CCDC42: variants seen among roughly 807,000 people sequenced by gnomAD.
The protein encoded by CCDC42 is coiled-coil domain-containing protein 42.
Under a neutral mutation model 40.8 loss-of-function variants are expected in CCDC42, and 38 were observed. The observed-to-expected ratio is 0.93, with a 90% CI of 0.72 to 1.22. CCDC42 has a LOEUF of 1.22. CCDC42 is among the 50% of genes most tolerant of loss of function. The pLI is 0.00. For missense variants in CCDC42, 379 were observed against 416.5 expected, an observed-to-expected ratio of 0.91 and a Z score of 0.78; for synonymous variants, 135 against 157.5, an observed-to-expected ratio of 0.86 and a Z score of 1.07.
In CCDC42 at chr17:8,744,192, A is replaced by G; in HGVS notation, c.84-8T>C. The G allele has an allele frequency of 1.2e-6, 2 of 1,607,168 alleles. No homozygotes were observed. Among genetic ancestry groups the G allele is most frequent in the Non-Finnish European group, 1.7e-6 (2 of 1,174,398 alleles). On this transcript the variant is annotated splice_polypyrimidine_tract_variant and splice_region_variant and intron_variant, in intron 1 of 6. Coordinates refer to ENST00000293845, the MANE Select transcript of CCDC42 (RefSeq NM_144681.3). ...TCAACATTGGGGAGTTTCCTGTCCAAGATGTGAACGCGAGAGGGCTGTGTG... is the reference window on the plus strand; with the variant it reads ...TCAACATTGGGGAGTTTCCTGTCCAGGATGTGAACGCGAGAGGGCTGTGTG...
At chr17:8,732,416 G>A (rs2086587057) in intron 6 of CCDC42, among the ~76,000 whole-genome samples, 1 of 151,978 alleles carries the variant, frequency 6.6e-6, no homozygotes, top group Admixed American at 6.6e-5. Flanking sequence ...TCTGGAGATG[G>A]AACTACACAG....
At position 8,735,804 on chromosome 17, in the gene CCDC42, C is replaced by T. The variant is rs1228297622; in HGVS notation, c.493-193G>A. ...CCTGCTTCTCCTGGGTTTGTACGGG[C>T]CACGGTCCATTTGTTGGGCAGGGGG... On this transcript the variant is annotated intron_variant, in intron 4 of 6. Transcript: ENST00000293845. The surrounding 1 kb of genome is among the most constrained non-coding windows in gnomAD (Gnocchi z 4.7). Among the ~76,000 whole-genome samples the T allele has an allele frequency of 6.6e-6, 1 of 152,178 alleles. No homozygotes were observed. The highest frequency in any genetic ancestry group is 1.5e-5 in the Non-Finnish European group (1 of 68,026).
intron 6 of CCDC42, among the ~76,000 whole-genome samples, chr17:8,734,810 C>T (rs886815948): frequency 3.3e-5 from 5 of 152,096 alleles, no homozygotes; most frequent in African/African-American, 7.2e-5. Context: ...AAAAGGGTTT[C>T]GGTGCTAATG....
At chr17:8,739,553 T>G (rs1245746508) in intron 4 of CCDC42, among the ~76,000 whole-genome samples, 1 of 152,206 alleles carries the variant, frequency 6.6e-6, no homozygotes, top group Non-Finnish European at 1.5e-5. Context: ...TTGGTTTGTT[T>G]GTTTTTGAGA....
chr17:8,740,448 C>A (rs1401183385), intron 4 of CCDC42, among the ~76,000 whole-genome samples: 1 of 147,280 alleles, frequency 6.8e-6, no homozygotes, highest in African/African-American at 2.5e-5. Context: ...GAGATCAAGC[C>A]ACTGCACTCC....
At chr17:8,730,913 G>A (rs2152141503) in intron 6 of CCDC42, among the ~76,000 whole-genome samples, 1 of 152,322 alleles carries the variant, frequency 6.6e-6, no homozygotes, top group African/African-American at 2.4e-5. Context: ...CCGCCCTCAA[G>A]GTGGTCGTGC....
At position 8,735,225 on chromosome 17, in the gene CCDC42, G is replaced by C. The variant is rs755728387; in HGVS notation, c.744C>G (p.Thr248=). 6.2e-7 allele frequency: 1 copy of C among 1,614,122 alleles called. No individual in the cohort carries two copies. Among genetic ancestry groups the C allele is most frequent in the Non-Finnish European group, 8.5e-7 (1 of 1,180,010 alleles). The part of the protein sequence containing the change: ...WESRWAHIQN[T]AAKKTLLLGT... ...CAAGCAGGAGGGTCTTCTTGGCTGCGGTGTTCTGGATGTGCGCCCAGCGAG... is the reference window on the plus strand; with the variant it reads ...CAAGCAGGAGGGTCTTCTTGGCTGCCGTGTTCTGGATGTGCGCCCAGCGAG... The change falls in exon 6 of 7, where the codon ACC becomes ACG. Residue 248 remains threonine (T), a synonymous_variant. Transcript: ENST00000293845. This position sits in a 1 kb window ranked among gnomAD's most constrained non-coding sequence, Gnocchi z 4.7.
chr17:8,739,895 G>GC (rs149149374), intron 4 of CCDC42, among the ~76,000 whole-genome samples: 49,813 of 151,838 alleles, frequency 0.33, 9,362 homozygotes, highest in Non-Finnish European at 0.44. Context: ...CTTACTTCCT[G>GC]CCCCCCCAAC....
At position 8,741,622 on chromosome 17, in the gene CCDC42, C is replaced by G; in HGVS notation, c.344G>C (p.Arg115Pro). The change falls in exon 4 of 7, where the codon CGA (arginine) becomes CCA (proline). Residue 115 changes from arginine (R) to proline (P), a missense_variant. By Grantham distance (103) the Arg-to-Pro change is moderately radical. Transcript: ENST00000293845. The stretch of plus-strand genomic sequence containing the variant: ...CTGCATGTGCTGGCACTTGAGTTCT[C>G]GCTCCTTGTTGGCTTTCTTCATGGC... ...IRAMKKANKE[R>P]ELKCQHMQEL... is the part of the protein sequence containing the mutation. 6.2e-7 allele frequency: 1 copy of G among 1,614,062 alleles called. No homozygotes were observed. The highest frequency in any genetic ancestry group is 8.5e-7 in the Non-Finnish European group (1 of 1,180,042).
chr17:8,732,075 C>T (rs1327678343), intron 6 of CCDC42, among the ~76,000 whole-genome samples: 40 of 149,662 alleles, frequency 2.7e-4, no homozygotes, highest in African/African-American at 9.8e-4. Flanking sequence ...CCGAGGCGGG[C>T]GGATCACGAG....
rs1402530873 is a variant in CCDC42, at chr17:8,744,018, C to CGGGT, written c.189+60_189+61insACCC. ...ATGGAGGGCTGTCCACAGGCTCTCC[C>CGGGT]AGAGCCCCAGCCCACCCCCTTCCTT... is the stretch of plus-strand genomic sequence containing the variant. On this transcript the variant is annotated intron_variant, in intron 2 of 6. Transcript: ENST00000293845. 879 of 1,316,018 alleles carry CGGGT rather than the reference C, an allele frequency of 6.7e-4. 3 individuals are homozygous for CGGGT. Among genetic ancestry groups the CGGGT allele is most frequent in the Non-Finnish European group, 8.6e-4 (797 of 931,006 alleles). The allele number at this position is 1,316,018 out of a possible 1,614,324, so 81.5% of individuals were successfully genotyped here. A position where few individuals can be genotyped will look rare whatever the true frequency, so the allele number is the denominator to read the frequency against.
At chr17:8,741,407 G>T in intron 4 of CCDC42, 67 bp downstream of exon 4, 1 of 1,496,566 alleles carries the variant, frequency 6.7e-7, no homozygotes, top group Non-Finnish European at 9.3e-7. Flanking sequence ...CATGGCCCCA[G>T]GCCCCGGGGA....
chr17:8,735,521 TCTC>T lies in CCDC42; in HGVS notation c.580_582del (p.Glu194del), dbSNP rs2086605891. On this transcript the variant is annotated inframe_deletion, in exon 5 of 7. Transcript: ENST00000293845. This position sits in a 1 kb window ranked among gnomAD's most constrained non-coding sequence, Gnocchi z 4.7. ...AGCCGGGCCTTGGCGCGCTCAATCT[TCTC>T]CTGGCCTTCCTGCGCAGACTGCATG... 6.2e-7 allele frequency: 1 copy of T among 1,613,980 alleles called. No individual in the cohort carries two copies. Among genetic ancestry groups the T allele is most frequent in the Non-Finnish European group, 8.5e-7 (1 of 1,180,028 alleles).
At chr17:8,743,262 G>A (rs1417959372) in intron 3 of CCDC42, among the ~76,000 whole-genome samples, 1 of 152,124 alleles carries the variant, frequency 6.6e-6, no homozygotes, top group Admixed American at 6.5e-5. Flanking sequence ...GGGGTGGGTG[G>A]AGGGACTAAA....
rs1031478925 is a variant in CCDC42, at chr17:8,735,341, C to T, written c.714+49G>A. ...TGTGTGTGTGTGTATGCTCAGGGCC[C>T]GCACTCACCCAGTGCCTGGGAGCCC... On this transcript the variant is annotated intron_variant, in intron 5 of 6. Coordinates refer to ENST00000293845, the MANE Select transcript of CCDC42 (RefSeq NM_144681.3). This position sits in a 1 kb window ranked among gnomAD's most constrained non-coding sequence, Gnocchi z 4.7. 1.2e-5 allele frequency: 19 copies of T among 1,610,314 alleles called. No individual in the cohort carries two copies. Among genetic ancestry groups the T allele is most frequent in the Admixed American group, 1.7e-5 (1 of 59,948 alleles).
Position 8,741,454 on chromosome 17 carries a change from C to G in CCDC42, c.492+20G>C, listed in dbSNP as rs181372895. 7.6e-4 allele frequency: 1,218 copies of G among 1,611,968 alleles called. No individual in the cohort carries two copies. The highest frequency in any genetic ancestry group is 1.5e-3 in the South Asian group (138 of 90,982). On this transcript the variant is annotated intron_variant, in intron 4 of 6. Transcript: ENST00000293845. ...GCTGAGGAAGGTGCCAGGGCCGGCC[C>G]CCCTGCTCCTTGGACTCACCTCGGA...
chr17:8,742,226 G>A (rs774873894), intron 3 of CCDC42, among the ~76,000 whole-genome samples: 8 of 152,128 alleles, frequency 5.3e-5, no homozygotes, highest in Non-Finnish European at 1.0e-4. Context: ...TTCAGTACTC[G>A]GTGCTTCCAT....
In CCDC42 at chr17:8,743,718, T is replaced by C. The variant is rs1363337671; in HGVS notation, c.202A>G (p.Arg68Gly). Residue 68 changes from arginine to glycine, a missense_variant, in exon 3 of 7, where the codon AGA (arginine) becomes GGA (glycine). Coordinates refer to ENST00000293845, the MANE Select transcript of CCDC42 (RefSeq NM_144681.3). ...CAGCGCAGGTTCAGGGTTTCCATTC[T>C]GCGCTGAAACATCTTTGGGGTGGGG... The part of the protein sequence containing the change: ...MVQKKKMFQR[R>G]METLNLRWEE... 5.6e-6 allele frequency: 9 copies of C among 1,600,360 alleles called. No homozygotes were observed. The highest frequency in any genetic ancestry group is 7.7e-6 in the Non-Finnish European group (9 of 1,167,816).
intron 4 of CCDC42, among the ~76,000 whole-genome samples, chr17:8,739,392 G>A (rs1372564171): frequency 6.6e-6 from 1 of 152,212 alleles, no homozygotes; most frequent in Non-Finnish European, 1.5e-5. Context: ...GGGCTGTCCT[G>A]GGGGTGGCAG....
Sources: allele counts gnomAD v4.1 joint callset (sites outside exome capture counted in the v4.1 genomes callset), GRCh38; gene constraint gnomAD v4.1.1; non-coding constraint Gnocchi (gnomAD v3.1); transcripts MANE v1.5; gene names NCBI Gene and HGNC (gene_info 2026-07-23, HGNC 2026-07-21).